GDPD5: variants seen among roughly 807,000 people sequenced by gnomAD.
GDPD5 encodes glycerophosphodiester phosphodiesterase domain containing 5, also known as glycerophosphodiester phosphodiesterase 2.
GDPD5 carries 48 observed loss-of-function variants against 75.1 expected under a neutral mutation model. The observed-to-expected ratio is 0.64, with a 90% confidence interval of 0.51 to 0.81. GDPD5 has a LOEUF of 0.81. GDPD5 is among the 40% of genes least tolerant of loss of function. GDPD5 has a pLI of 0.00. For synonymous variants in GDPD5, 336 were observed against 339.0 expected (o/e 0.99, Z 0.10); for missense variants, 706 against 822.6 (o/e 0.86, Z 1.73).
intron 1 of GDPD5, among the ~76,000 whole-genome samples, chr11:75,511,356 G>A (rs548201597): frequency 1.3e-5 from 2 of 152,188 alleles, no homozygotes; most frequent in Admixed American, 6.5e-5. Flanking sequence ...GGTGTGTCCA[G>A]ACCCTGCTCT....
intron 2 of GDPD5, among the ~76,000 whole-genome samples, chr11:75,487,041 G>A (rs1950032775): frequency 6.6e-6 from 1 of 152,190 alleles, no homozygotes; most frequent in Admixed American, 6.5e-5. Flanking sequence ...GCCCCAGGGT[G>A]AGGGCTGCAG....
intron 13 of GDPD5, 91 bp downstream of exon 13, chr11:75,441,552 GTGT>G: frequency 8.2e-7 from 1 of 1,221,668 alleles, no homozygotes; most frequent in Non-Finnish European, 1.1e-6. Flanking sequence ...CCGTGTGTGT[GTGT>G]GTGTGTGTGT....
chr11:75,502,845 C>T (rs1326997084), intron 1 of GDPD5, among the ~76,000 whole-genome samples: 1 of 152,206 alleles, frequency 6.6e-6, no homozygotes, highest in Non-Finnish European at 1.5e-5. Flanking sequence ...AAAAGAAGGC[C>T]TGAGACTACG....
intron 6 of GDPD5, chr11:75,455,215 C>G: frequency 2.3e-6 from 1 of 442,112 alleles, no homozygotes; most frequent in Non-Finnish European, 4.5e-6. Context: ...TGCTGAGAGC[C>G]AGGCATGGCC....
At chr11:75,476,880 C>T (rs2135366980) in intron 3 of GDPD5, among the ~76,000 whole-genome samples, 1 of 152,278 alleles carries the variant, frequency 6.6e-6, no homozygotes, top group East Asian at 1.9e-4. Flanking sequence ...GCTCCCCATC[C>T]CCCACCCCGG....
rs748923674 is a variant in GDPD5, at chr11:75,443,300, G to A, written c.798-14C>T. ...ACGCCGTCCAGGCTGCAGGGAGGGT[G>A]GGGCCACCGAGTCAGTGACCCCCCA... On this transcript the variant is annotated splice_polypyrimidine_tract_variant and intron_variant, in intron 10 of 16. Transcript: ENST00000336898. 40 of 1,599,250 alleles carry A rather than the reference G, an allele frequency of 2.5e-5. No individual in the cohort carries two copies. The Admixed American group carries it at 6.2e-4, about 25-fold the overall frequency.
At chr11:75,456,850 C>T (rs200095846) in intron 5 of GDPD5, 34 bp from the exon 6 acceptor site, 8 of 1,607,740 alleles carry the variant, frequency 5.0e-6, no homozygotes, top group South Asian at 3.3e-5. Flanking sequence ...TTGTCAGGCC[C>T]GTGTGGGCGG....
chr11:75,451,661 G>C (rs1949157752), intron 6 of GDPD5: 1 of 152,242 alleles, frequency 6.6e-6, no homozygotes, highest in African/African-American at 2.4e-5. Flanking sequence ...CCCCCTTGTG[G>C]CCATCGTGGG....
At chr11:75,478,709 T>C (rs1949835918) in intron 2 of GDPD5, among the ~76,000 whole-genome samples, 1 of 152,222 alleles carries the variant, frequency 6.6e-6, no homozygotes, top group African/African-American at 2.4e-5. Context: ...AAAATAAACA[T>C]TTTAGAAGAA....
intron 1 of GDPD5, among the ~76,000 whole-genome samples, chr11:75,524,774 C>A (rs1941598781): frequency 6.6e-6 from 1 of 152,192 alleles, no homozygotes; most frequent in Non-Finnish European, 1.5e-5. Flanking sequence ...TCTGAGTCAC[C>A]TTTCCTCGCG....
chr11:75,482,036 G>GC (rs1334129952), intron 2 of GDPD5, among the ~76,000 whole-genome samples: 10 of 152,072 alleles, frequency 6.6e-5, no homozygotes, highest in Non-Finnish European at 1.5e-4. Context: ...GTGGGAGCCC[G>GC]CCCCAGGTTC....
At chr11:75,453,057 T>A (rs983713968) in intron 6 of GDPD5, 1 of 152,262 alleles carries the variant, frequency 6.6e-6, no homozygotes, top group African/African-American at 2.4e-5. Context: ...AAGGGCCTCC[T>A]GTTTACTGTA....
At chr11:75,465,434 T>G (rs966555275) in intron 3 of GDPD5, among the ~76,000 whole-genome samples, 2 of 152,164 alleles carry the variant, frequency 1.3e-5, no homozygotes, top group African/African-American at 4.8e-5. Context: ...TGCAGCCATC[T>G]CACCTATGGC....
At chr11:75,487,706 C>T (rs1366257556) in intron 2 of GDPD5, among the ~76,000 whole-genome samples, 3 of 152,250 alleles carry the variant, frequency 2.0e-5, no homozygotes, top group Admixed American at 6.5e-5. Context: ...AGCTCTTCCC[C>T]AAATCAGGAG....
chr11:75,463,534 A>T (rs1352593722), intron 3 of GDPD5, among the ~76,000 whole-genome samples: 2 of 151,982 alleles, frequency 1.3e-5, no homozygotes, highest in African/African-American at 4.8e-5. Flanking sequence ...TGGCCCTCCA[A>T]TTTCTCCCTG....
At chr11:75,499,303 T>C (rs1456408074) in intron 1 of GDPD5, among the ~76,000 whole-genome samples, 1 of 152,030 alleles carries the variant, frequency 6.6e-6, no homozygotes, top group Non-Finnish European at 1.5e-5. Flanking sequence ...ACAGCCATCA[T>C]CATCTGAGCT....
intron 15 of GDPD5, chr11:75,438,335 C>G (rs533620238): frequency 6.6e-6 from 1 of 152,436 alleles, no homozygotes; most frequent in South Asian, 2.1e-4. Context: ...CCCAGGGTAC[C>G]TTCCTCCACC....
chr11:75,453,811 T>G (rs1949227179), intron 6 of GDPD5, among the ~76,000 whole-genome samples: 1 of 152,176 alleles, frequency 6.6e-6, no homozygotes. Flanking sequence ...TAGAGAGAGT[T>G]GGAAACGTTG....
In GDPD5 at chr11:75,441,305, T is replaced by G; in HGVS notation, c.1331A>C (p.Tyr444Ser). The part of the protein sequence containing the change: ...TQVSRQELRD[Y>S]ASWNLSVNLY... ...GTTCACACTCAGGTTCCAGGACGCG[T>G]AGTCCCTGTGGGGCAGGGGAGAGGC... The change falls in exon 14 of 17, where the codon TAC becomes TCC. Residue 444 changes from tyrosine (Y) to serine (S), a missense_variant. Tyr to Ser is a moderately radical substitution (Grantham distance 144). Transcript: ENST00000336898. 6.2e-7 allele frequency: 1 copy of G among 1,614,096 alleles called. No individual in the cohort carries two copies. The highest frequency in any genetic ancestry group is 8.5e-7 in the Non-Finnish European group (1 of 1,180,002).
Sources: gnomAD v4.1 joint callset for allele counts (sites outside exome capture counted in the v4.1 genomes callset) on GRCh38, gnomAD v4.1.1 for gene constraint, MANE v1.5 for transcripts, NCBI Gene and HGNC (gene_info 2026-07-23, HGNC 2026-07-21) for gene names.